Variants in GALNTL6 observed in about 807,000 individuals in gnomAD.
GALNTL6 encodes the protein polypeptide N-acetylgalactosaminyltransferase-like 6.
Under a neutral mutation model 73.7 loss-of-function variants are expected in GALNTL6, and 46 were observed. The observed-to-expected ratio is 0.62, with a 90% CI of 0.49 to 0.80. The LOEUF (loss-of-function observed/expected upper bound fraction) is 0.80. Among genes scored for constraint, GALNTL6 ranks in the 30% least tolerant of loss-of-function variants. GALNTL6 has a pLI of 0.00. For missense variants in GALNTL6, 604 were observed against 755.0 expected (o/e 0.80, Z 2.34); for synonymous variants, 259 against 263.7 (o/e 0.98, Z 0.17).
intron 2 of GALNTL6, among the ~76,000 whole-genome samples, chr4:171,827,983 G>T (rs1734870396): frequency 6.6e-6 from 1 of 152,046 alleles, no homozygotes; most frequent in African/African-American, 2.4e-5. Context: ...TAAAATATAT[G>T]TAGGTACTAG....
chr4:172,736,799 T>A (rs1736495040), intron 5 of GALNTL6, among the ~76,000 whole-genome samples: 1 of 152,236 alleles, frequency 6.6e-6, no homozygotes, highest in South Asian at 2.1e-4. Context: ...CTTCAGCTGG[T>A]CCCTCCATTC....
Position 172,456,151 on chromosome 4 carries a change from T to C in GALNTL6, c.553+107462T>C, listed in dbSNP as rs1732390585. ...AACTAACAAACAGAAAGGAATAGCA[T>C]CAACATCAACAAAAAGGACATTCAC... On this transcript the variant is annotated intron_variant, in intron 5 of 12. Coordinates refer to ENST00000506823, the MANE Select transcript of GALNTL6 (RefSeq NM_001034845.3). Among the ~76,000 whole-genome samples, 5 of 151,934 alleles carry C rather than the reference T, an allele frequency of 3.3e-5. No homozygotes were observed. The South Asian group carries it at 1.0e-3, about 32-fold the overall frequency.
chr4:172,730,141 G>A (rs150066472), intron 5 of GALNTL6, among the ~76,000 whole-genome samples: 84 of 152,166 alleles, frequency 5.5e-4, no homozygotes, highest in African/African-American at 1.9e-3. Flanking sequence ...GGAGTCTTTC[G>A]ATTTTTCTAA....
intron 2 of GALNTL6, among the ~76,000 whole-genome samples, chr4:171,971,810 T>C (rs549035873): frequency 6.6e-6 from 1 of 152,306 alleles, no homozygotes; most frequent in South Asian, 2.1e-4. Context: ...GCTAGCTGCC[T>C]TAAATTAACA....
At chr4:172,179,975 T>G (rs1293695930) in intron 2 of GALNTL6, among the ~76,000 whole-genome samples, 1 of 152,228 alleles carries the variant, frequency 6.6e-6, no homozygotes, top group African/African-American at 2.4e-5. Context: ...ATGTGATTGC[T>G]AGGTCAAATG....
At chr4:172,878,358 G>A (rs1039255645) in intron 7 of GALNTL6, among the ~76,000 whole-genome samples, 5 of 151,490 alleles carry the variant, frequency 3.3e-5, no homozygotes, top group Middle Eastern at 3.4e-3. Flanking sequence ...TATATAAAAC[G>A]GTGTTCAAAA....
intron 5 of GALNTL6, among the ~76,000 whole-genome samples, chr4:172,514,848 T>A (rs746787967): frequency 4.6e-5 from 7 of 152,200 alleles, no homozygotes; most frequent in Non-Finnish European, 1.0e-4. Flanking sequence ...TAGGTAAGGT[T>A]AAATCCTTCT....
intron 9 of GALNTL6, among the ~76,000 whole-genome samples, chr4:172,933,420 A>G (rs1231555112): frequency 6.6e-6 from 1 of 152,172 alleles, no homozygotes; most frequent in Non-Finnish European, 1.5e-5. Context: ...TACTTTTTCA[A>G]GGATTGTCAA....
At chr4:172,476,043 T>G (rs1733218413) in intron 5 of GALNTL6, among the ~76,000 whole-genome samples, 1 of 152,252 alleles carries the variant, frequency 6.6e-6, no homozygotes, top group Non-Finnish European at 1.5e-5. Context: ...CAAGCACCAG[T>G]AGTTCCTTAG....
chr4:172,069,186 T>C (rs1295857820), intron 2 of GALNTL6, among the ~76,000 whole-genome samples: 3 of 108,836 alleles, frequency 2.8e-5, no homozygotes, highest in African/African-American at 1.0e-4. Flanking sequence ...ATCCTGAATA[T>C]GCAATTTTTT....
rs531229233 is a variant in GALNTL6, at chr4:172,909,706, T to C, written c.1042-21455T>C. ...TAGTTAAAAGTGGTACAACCTCTAG[T>C]TGGAACAATTAGAAAATATGTTTCA... On this transcript the variant is annotated intron_variant, in intron 8 of 12. Coordinates refer to ENST00000506823, the MANE Select transcript of GALNTL6 (RefSeq NM_001034845.3). Among the ~76,000 whole-genome samples the C allele has an allele frequency of 5.3e-5, 8 of 152,250 alleles. No individual in the cohort carries two copies. In the South Asian group the frequency reaches 1.7e-3, roughly 32 times the overall value.
intron 2 of GALNTL6, among the ~76,000 whole-genome samples, chr4:172,095,856 C>T (rs1251551985): frequency 6.6e-6 from 1 of 151,412 alleles, no homozygotes; most frequent in Admixed American, 6.6e-5. Context: ...TTTACTTATC[C>T]TAAGTATTCT....
chr4:172,870,082 A>ATCG (rs148750694), intron 7 of GALNTL6, among the ~76,000 whole-genome samples: 32,363 of 151,448 alleles, frequency 0.21, 3,585 homozygotes, highest in Middle Eastern at 0.33. Flanking sequence ...CATCATCATC[A>ATCG]TCATCATCAT....
chr4:172,348,634 A>G lies in GALNTL6; in HGVS notation c.498A>G (p.Arg166=), dbSNP rs1196972534. The G allele has an allele frequency of 1.2e-6, 2 of 1,611,960 alleles. No homozygotes were observed. The highest frequency in any genetic ancestry group is 1.7e-6 in the Non-Finnish European group (2 of 1,178,838). The change falls in exon 5 of 13, where the codon CGA becomes CGG. Residue 166 remains arginine (R), a synonymous_variant. Coordinates refer to ENST00000506823, the MANE Select transcript of GALNTL6 (RefSeq NM_001034845.3). ...GGACCATACACAGTATAATTAACCGAACCCCAGGGAGTCTGATAGCAGAAA... is the reference window on the plus strand; with the variant it reads ...GGACCATACACAGTATAATTAACCGGACCCCAGGGAGTCTGATAGCAGAAA... The part of the protein sequence containing the change: ...LLRTIHSIIN[R]TPGSLIAEII...
rs562368034 is a variant in GALNTL6, at chr4:172,206,856, C to T, written c.139-22800C>T. ...TTTTTGAGACGGAGTCTCACTCTGT[C>T]GCCCAGGCTGGAGTGCAGTGGTGTG... On this transcript the variant is annotated intron_variant, in intron 2 of 12. Coordinates refer to ENST00000506823, the MANE Select transcript of GALNTL6 (RefSeq NM_001034845.3). Among the ~76,000 whole-genome samples, 47 of 117,426 alleles carry T rather than the reference C, an allele frequency of 4.0e-4. 2 individuals are homozygous for T. Among genetic ancestry groups the T allele is most frequent in the Non-Finnish European group, 7.2e-4 (44 of 61,048 alleles). The allele number at this position is 117,426 out of a possible 152,430, so 77.0% of individuals were successfully genotyped here. A position where few individuals can be genotyped will look rare whatever the true frequency, so the allele number is the denominator to read the frequency against.
chr4:172,036,106 A>G (rs538428336), intron 2 of GALNTL6, among the ~76,000 whole-genome samples: 30 of 152,222 alleles, frequency 2.0e-4, no homozygotes, highest in Middle Eastern at 3.4e-3. Context: ...TAAGTATCCC[A>G]AAAGTTCTCT....
At chr4:172,340,322 T>G (rs1331551345) in intron 4 of GALNTL6, among the ~76,000 whole-genome samples, 1 of 152,196 alleles carries the variant, frequency 6.6e-6, no homozygotes, top group Admixed American at 6.5e-5. Flanking sequence ...TGAACCACCC[T>G]TGCATCCCAG....
Position 172,931,158 on chromosome 4 carries a change from C to A in GALNTL6, c.1042-3C>A, listed in dbSNP as rs749653173. 3.9e-6 allele frequency: 6 copies of A among 1,544,066 alleles called. No homozygotes were observed. In the South Asian group the frequency reaches 5.6e-5, roughly 14 times the overall value. ...GTCTTTTGTTCTATTTTTCCCTCTT[C>A]AGGTTTGGATGTGTGGAGGAGAAAT... On this transcript the variant is annotated splice_region_variant and splice_polypyrimidine_tract_variant and intron_variant, in intron 8 of 12. Coordinates refer to ENST00000506823, the MANE Select transcript of GALNTL6 (RefSeq NM_001034845.3).
At chr4:172,412,002 C>G (rs1744459685) in intron 5 of GALNTL6, among the ~76,000 whole-genome samples, 1 of 151,636 alleles carries the variant, frequency 6.6e-6, no homozygotes, top group African/African-American at 2.4e-5. Context: ...GAGTGGAGCA[C>G]TGGAAATATA....
Sources: allele counts gnomAD v4.1 joint callset (sites outside exome capture counted in the v4.1 genomes callset), GRCh38; gene constraint gnomAD v4.1.1; transcripts MANE v1.5; gene names NCBI Gene and HGNC (gene_info 2026-07-23, HGNC 2026-07-21).